The following TRAPPC8 variants were observed in gnomAD, a reference collection of about 807,000 sequenced individuals.
TRAPPC8 encodes the protein trafficking protein particle complex subunit 8.
In TRAPPC8, 54 loss-of-function variants were observed where a neutral mutation model predicts 174.3. The ratio of observed to expected loss-of-function variants is 0.31; its 90% CI spans 0.25 to 0.39. The LOEUF (loss-of-function observed/expected upper bound fraction) is 0.39, where lower values mean the gene tolerates loss of function less well. Ranked by LOEUF, TRAPPC8 falls within the 10% of genes least tolerant of loss-of-function variation. The probability of loss-of-function intolerance (pLI) is 1.00; values close to 1 mark genes in which losing one functional copy is unlikely to be tolerated. For missense variants in TRAPPC8, 1,531 were observed against 1,699.1 expected (o/e 0.90, Z 1.74); for synonymous variants, 630 against 579.9 (o/e 1.09, Z -1.24).
At chr18:31,863,051 CAAA>C (rs35944569) in intron 19 of TRAPPC8, among the ~76,000 whole-genome samples, 58 of 113,724 alleles carry the variant, frequency 5.1e-4, no homozygotes, top group Admixed American at 2.1e-3. Flanking sequence ...GACTAGGTCT[CAAA>C]AAAAAAAAAA....
At chr18:31,846,899 G>A in intron 25 of TRAPPC8, 82 bp from the exon 26 acceptor site, 1 of 947,716 alleles carries the variant, frequency 1.1e-6, no homozygotes, top group Non-Finnish European at 1.6e-6. Flanking sequence ...ATAGAAAGTG[G>A]AAATAATATG....
In TRAPPC8 at chr18:31,846,699, G is replaced by A; in HGVS notation, c.3837+17C>T. ...CACAAGTTCACCAGAAAGCTCCAAA[G>A]CAAACTATGTTATCACCTGTTTCTG... On this transcript the variant is annotated intron_variant, in intron 26 of 28. Coordinates refer to ENST00000283351, the MANE Select transcript of TRAPPC8 (RefSeq NM_014939.5). 6.4e-7 allele frequency: 1 copy of A among 1,562,016 alleles called. No homozygotes were observed. The highest frequency in any genetic ancestry group is 8.7e-7 in the Non-Finnish European group (1 of 1,150,896).
At chr18:31,833,355 A>C (rs952847295) in intron 27 of TRAPPC8, 42 of 152,222 alleles carry the variant, frequency 2.8e-4, no homozygotes, top group African/African-American at 1.0e-3. Flanking sequence ...CATCATCTTC[A>C]TTCCAGTGAA....
At chr18:31,880,088 AAAAT>A (rs1435392363) in intron 12 of TRAPPC8, among the ~76,000 whole-genome samples, 20 of 61,452 alleles carry the variant, frequency 3.3e-4, no homozygotes, top group East Asian at 6.1e-4. Flanking sequence ...ATTGAAAAAA[AAAAT>A]ATATATATAT....
chr18:31,898,561 T>C (rs2036278210), intron 10 of TRAPPC8, among the ~76,000 whole-genome samples: 1 of 152,222 alleles, frequency 6.6e-6, no homozygotes, highest in Non-Finnish European at 1.5e-5. Flanking sequence ...CCTATGCAAA[T>C]TCTGACTGTG....
intron 19 of TRAPPC8, among the ~76,000 whole-genome samples, chr18:31,863,603 A>C (rs1456118058): frequency 6.6e-6 from 1 of 152,200 alleles, no homozygotes; most frequent in Non-Finnish European, 1.5e-5. Flanking sequence ...AATTATTAAA[A>C]CTATATATAA....
chr18:31,892,811 G>A (rs2036011141), intron 11 of TRAPPC8, among the ~76,000 whole-genome samples: 1 of 152,048 alleles, frequency 6.6e-6, no homozygotes, highest in African/African-American at 2.4e-5. Context: ...ATCGTTTTGA[G>A]CCAAAGCGTT....
At position 31,853,910 on chromosome 18, in the gene TRAPPC8, T is replaced by C. The variant is rs2033852122; in HGVS notation, c.3372A>G (p.Gln1124=). 1.2e-6 allele frequency: 2 copies of C among 1,611,476 alleles called. No individual in the cohort carries two copies. Among genetic ancestry groups the C allele is most frequent in the South Asian group, 1.1e-5 (1 of 90,838 alleles). Residue 1124 remains glutamine, a synonymous_variant, in exon 22 of 29, where the codon CAA becomes CAG. Transcript: ENST00000283351. ...EAGVKEFHIV[Q]VSSSSKHWKL... ...TCCAGTGTTTGCTACTACTTGATAC[T>C]TGCACTATGTGGAATTCCTTAACGC...
chr18:31,931,585 TTGGGCTGA>T, intron 1 of TRAPPC8, 62 bp from the exon 2 acceptor site: 1 of 1,301,290 alleles, frequency 7.7e-7, no homozygotes, highest in Non-Finnish European at 1.0e-6. Flanking sequence ...TAACCCAAAA[TTGGGCTGA>T]TGGTTTACAA....
At chr18:31,850,770 C>T (rs2033665598) in intron 24 of TRAPPC8, among the ~76,000 whole-genome samples, 1 of 152,078 alleles carries the variant, frequency 6.6e-6, no homozygotes, top group Admixed American at 6.6e-5. Context: ...TTTATTCAAC[C>T]AGGTTCATCA....
Position 31,890,884 on chromosome 18 carries a change from G to C in TRAPPC8, c.1597-18C>G. On this transcript the variant is annotated intron_variant, in intron 11 of 28. Coordinates refer to ENST00000283351, the MANE Select transcript of TRAPPC8 (RefSeq NM_014939.5). Reference sequence around the variant, plus strand: ...TCAGAATCCTAGTGAATGTTTAAAAGAGAAAAAGGTTAGTTTCACCAAGTT... The same window carrying C: ...TCAGAATCCTAGTGAATGTTTAAAACAGAAAAAGGTTAGTTTCACCAAGTT... The C allele has an allele frequency of 6.3e-7, 1 of 1,580,290 alleles. No individual in the cohort carries two copies. The highest frequency in any genetic ancestry group is 1.4e-5 in the African/African-American group (1 of 73,232).
chr18:31,838,528 T>C (rs2032906184), intron 27 of TRAPPC8, among the ~76,000 whole-genome samples: 1 of 152,220 alleles, frequency 6.6e-6, no homozygotes, highest in South Asian at 2.1e-4. Flanking sequence ...TCCCTTTTCA[T>C]AGCCCAGTTT....
chr18:31,909,014 C>T lies in TRAPPC8; in HGVS notation c.866-4G>A. 1 of 1,591,940 alleles carries T rather than the reference C, an allele frequency of 6.3e-7. No individual in the cohort carries two copies. The highest frequency in any genetic ancestry group is 2.3e-5 in the East Asian group (1 of 44,398). On this transcript the variant is annotated splice_region_variant and splice_polypyrimidine_tract_variant and intron_variant, in intron 6 of 28. Transcript: ENST00000283351. ...CTAAAGTTATTTGGTAAGCCATCTA[C>T]TGAAAAAGAGATTATTTCTTTTACT...
At chr18:31,853,494 C>T (rs895927413) in intron 22 of TRAPPC8, among the ~76,000 whole-genome samples, 9 of 152,176 alleles carry the variant, frequency 5.9e-5, no homozygotes, top group African/African-American at 2.2e-4. Context: ...TTTCAAACTG[C>T]TGACCTCAAG....
rs758914878 is a variant in TRAPPC8, at chr18:31,931,374, C to T, written c.307G>A (p.Val103Ile). ...VSGSQPAEGL[V>I]ANVITAGDYD... ...TCTCCTGCTGTAATCACATTAGCTA[C>T]TAATCCTTCTGCAGGCTGACTGCCA... The change falls in exon 2 of 29, where the codon GTA (valine) becomes ATA (isoleucine). Residue 103 changes from valine (V) to isoleucine (I), a missense_variant. Coordinates refer to ENST00000283351, the MANE Select transcript of TRAPPC8 (RefSeq NM_014939.5). The T allele has an allele frequency of 1.2e-4, 191 of 1,611,954 alleles. No individual in the cohort carries two copies. The highest frequency in any genetic ancestry group is 1.6e-4 in the Non-Finnish European group (184 of 1,179,024).
intron 2 of TRAPPC8, among the ~76,000 whole-genome samples, chr18:31,920,104 G>T (rs9807439): frequency 6.6e-6 from 1 of 151,848 alleles, no homozygotes; most frequent in Non-Finnish European, 1.5e-5. Flanking sequence ...GAAAATTATC[G>T]TTAAATAGAA....
At chr18:31,843,422 C>T (rs533262633) in intron 26 of TRAPPC8, among the ~76,000 whole-genome samples, 75 of 152,244 alleles carry the variant, frequency 4.9e-4, no homozygotes, top group African/African-American at 1.7e-3. Flanking sequence ...TTTGTTGTTA[C>T]ATTGGTAAAA....
intron 5 of TRAPPC8, among the ~76,000 whole-genome samples, chr18:31,911,756 C>CAAAA (rs71177805): frequency 1.4e-4 from 9 of 62,982 alleles, no homozygotes; most frequent in Non-Finnish European, 2.2e-4. Flanking sequence ...GACTCCGTCT[C>CAAAA]AAAAAAAAAA....
At chr18:31,859,279 G>A (rs1423653327) in intron 19 of TRAPPC8, among the ~76,000 whole-genome samples, 1 of 152,028 alleles carries the variant, frequency 6.6e-6, no homozygotes, top group African/African-American at 2.4e-5. Flanking sequence ...ACTTCATTAT[G>A]GCCATATTCT....
Sources: gnomAD v4.1 joint callset for allele counts (sites outside exome capture counted in the v4.1 genomes callset) on GRCh38, gnomAD v4.1.1 for gene constraint, MANE v1.5 for transcripts, NCBI Gene and HGNC (gene_info 2026-07-23, HGNC 2026-07-21) for gene names.